CBLB: variants seen among roughly 807,000 people sequenced by gnomAD.
CBLB encodes E3 ubiquitin-protein ligase CBL-B.
A neutral mutation model predicts 104.9 loss-of-function variants in CBLB; 31 were observed. That is an observed-to-expected ratio of 0.30 (90% confidence interval 0.22 to 0.40). CBLB has a LOEUF of 0.40. CBLB is among the 10% of genes least tolerant of loss of function. CBLB has a pLI of 1.00. For missense variants in CBLB, 1,062 were observed against 1,214.6 expected, an observed-to-expected ratio of 0.87 and a Z score of 1.87; for synonymous variants, 440 against 422.6, an observed-to-expected ratio of 1.04 and a Z score of -0.51.
At chr3:105,753,379 A>ATT (rs772888940) in intron 4 of CBLB, among the ~76,000 whole-genome samples, 32,883 of 131,170 alleles carry the variant, frequency 0.25, 3,686 homozygotes, top group Admixed American at 0.3. Flanking sequence ...TTTTTTTTAA[A>ATT]AAAAAAAGGA....
chr3:105,802,112 A>G (rs1330780841), intron 3 of CBLB, among the ~76,000 whole-genome samples: 2 of 152,214 alleles, frequency 1.3e-5, no homozygotes, highest in Non-Finnish European at 2.9e-5. Flanking sequence ...ATAAATCTGA[A>G]ATACCCCAGG....
intron 3 of CBLB, among the ~76,000 whole-genome samples, chr3:105,802,365 C>T (rs142618228): frequency 1.3e-4 from 20 of 152,228 alleles, no homozygotes; most frequent in Admixed American, 6.5e-4. Flanking sequence ...TACATCTCTC[C>T]GGTAAAGAGA....
At chr3:105,698,405 A>C (rs1385165064) in intron 12 of CBLB, among the ~76,000 whole-genome samples, 3 of 152,070 alleles carry the variant, frequency 2.0e-5, no homozygotes, top group Admixed American at 6.6e-5. Flanking sequence ...CGAGTAATGA[A>C]GGGAAGCGAG....
chr3:105,747,512 T>C (rs1469988137), intron 5 of CBLB, among the ~76,000 whole-genome samples: 1 of 152,130 alleles, frequency 6.6e-6, no homozygotes, highest in Non-Finnish European at 1.5e-5. Context: ...ATCTTTGGGG[T>C]ATTTCCCCAT....
intron 3 of CBLB, among the ~76,000 whole-genome samples, chr3:105,840,248 A>G (rs2089338355): frequency 6.6e-6 from 1 of 152,228 alleles, no homozygotes; most frequent in Non-Finnish European, 1.5e-5. Flanking sequence ...AAATGCTTAA[A>G]AAGTTACAAG....
At chr3:105,817,446 A>G (rs2085220533) in intron 3 of CBLB, among the ~76,000 whole-genome samples, 2 of 152,310 alleles carry the variant, frequency 1.3e-5, no homozygotes, top group South Asian at 4.1e-4. Flanking sequence ...TGAGGACACT[A>G]AAAGAAGCAG....
intron 18 of CBLB, among the ~76,000 whole-genome samples, chr3:105,660,787 T>C (rs16851409): frequency 0.018 from 2,675 of 152,296 alleles, 72 homozygotes; most frequent in African/African-American, 0.061. Context: ...AAAGCTAATC[T>C]GATGTATTAT....
At chr3:105,869,357 GC>G, upstream of CBLB, 1 of 1,341,282 alleles carries the variant, frequency 7.5e-7, no homozygotes. Flanking sequence ...TGGCAGGTGG[GC>G]GTGAGCGTCG....
chr3:105,824,925 T>A (rs550005310), intron 3 of CBLB, among the ~76,000 whole-genome samples: 2 of 152,292 alleles, frequency 1.3e-5, no homozygotes, highest in Non-Finnish European at 2.9e-5. Flanking sequence ...GAGAGAGCCA[T>A]ATACACAATC....
At chr3:105,662,938 T>C (rs2063932315) in intron 18 of CBLB, among the ~76,000 whole-genome samples, 1 of 151,912 alleles carries the variant, frequency 6.6e-6, no homozygotes, top group Non-Finnish European at 1.5e-5. Flanking sequence ...GAGACTGTCA[T>C]TAGGAGAGTT....
chr3:105,665,569 ATAT>A (rs1249147007), intron 18 of CBLB, among the ~76,000 whole-genome samples: 28 of 147,300 alleles, frequency 1.9e-4, no homozygotes, highest in Non-Finnish European at 1.0e-4. Flanking sequence ...TATCTATACC[ATAT>A]TATATAACCA....
chr3:105,853,743 T>C (rs1297341481), intron 2 of CBLB, 79 bp from the exon 3 acceptor site: 80 of 959,610 alleles, frequency 8.3e-5, no homozygotes, highest in Non-Finnish European at 9.1e-5. Flanking sequence ...AACCATGTCC[T>C]ATTTCTTCAT....
chr3:105,828,654 T>C (rs2086962172), intron 3 of CBLB, among the ~76,000 whole-genome samples: 1 of 152,216 alleles, frequency 6.6e-6, no homozygotes, highest in Non-Finnish European at 1.5e-5. Flanking sequence ...CACTAATAAG[T>C]TTAAATAATT....
intron 10 of CBLB, among the ~76,000 whole-genome samples, chr3:105,707,099 G>C (rs2070268498): frequency 6.6e-6 from 1 of 152,182 alleles, no homozygotes; most frequent in African/African-American, 2.4e-5. Context: ...TGAAGAGCCT[G>C]TTGGATACTG....
intron 3 of CBLB, among the ~76,000 whole-genome samples, chr3:105,835,151 C>T (rs73857223): frequency 6.6e-6 from 1 of 152,068 alleles, no homozygotes; most frequent in Non-Finnish European, 1.5e-5. Flanking sequence ...TGGTGAAAAG[C>T]GGCATGTAAT....
intron 3 of CBLB, among the ~76,000 whole-genome samples, chr3:105,792,428 C>T (rs2081776888): frequency 6.6e-6 from 1 of 152,154 alleles, no homozygotes; most frequent in East Asian, 1.9e-4. Flanking sequence ...TCAGGTCAGA[C>T]CTCAAGGGCA....
At chr3:105,868,353 C>G in intron 1 of CBLB, 1 of 543,214 alleles carries the variant, frequency 1.8e-6, no homozygotes, top group Non-Finnish European at 2.8e-6. Context: ...GCCTGTGTCC[C>G]TTCCCTGCTC....
At chr3:105,739,130 G>A (rs900966194) in intron 7 of CBLB, among the ~76,000 whole-genome samples, 4 of 152,120 alleles carry the variant, frequency 2.6e-5, no homozygotes, top group Non-Finnish European at 5.9e-5. Context: ...GCCTGACCTC[G>A]AACTCCTGGG....
At position 105,657,303 on chromosome 3, in the gene CBLB, C is replaced by CT. The variant is rs2063413364; in HGVS notation, c.*1666dup. The CT allele has an allele frequency of 4.6e-6, 1 of 219,256 alleles. No individual in the cohort carries two copies. The highest frequency in any genetic ancestry group is 5.8e-5 in the Admixed American group (1 of 17,288). The allele number at this position is 219,256 out of a possible 1,614,324, so 13.6% of individuals were successfully genotyped here. A position where few individuals can be genotyped will look rare whatever the true frequency, so the allele number is the denominator to read the frequency against. On this transcript the variant is annotated 3_prime_UTR_variant, in exon 19 of 19. Coordinates refer to ENST00000394030, the MANE Select transcript of CBLB (RefSeq NM_170662.5). The stretch of plus-strand genomic sequence containing the variant: ...AAGGCAGGCTCACTCTCTGATGCAT[C>CT]TTTTTATATCATGGTGGGTGTGAAG...
Sources: gnomAD v4.1 joint callset for allele counts (sites outside exome capture counted in the v4.1 genomes callset) on GRCh38, gnomAD v4.1.1 for gene constraint, MANE v1.5 for transcripts, NCBI Gene and HGNC (gene_info 2026-07-23, HGNC 2026-07-21) for gene names.